The following LAMA2 variants were observed in gnomAD, a reference collection of about 807,000 sequenced individuals.
The protein encoded by LAMA2 is laminin subunit alpha-2.
A neutral mutation model predicts 364.8 loss-of-function variants in LAMA2; 269 were observed. The ratio of observed to expected loss-of-function variants is 0.74; its 90% CI spans 0.67 to 0.82. The LOEUF is 0.82. LAMA2 is among the 40% of genes least tolerant of loss of function. The pLI, the probability that LAMA2 is intolerant of heterozygous loss-of-function variation, is 0.00. For missense variants in LAMA2, 3,807 were observed against 3,873.2 expected (o/e 0.98, Z 0.45); for synonymous variants, 1,379 against 1,370.6 (o/e 1.01, Z -0.14).
intron 1 of LAMA2, among the ~76,000 whole-genome samples, chr6:129,040,148 T>C (rs1786986923): frequency 6.6e-6 from 1 of 152,238 alleles, no homozygotes; most frequent in South Asian, 2.1e-4. Context: ...TTCTGGTTTC[T>C]GTGGAGTCAC....
At chr6:129,316,716 A>G (rs1774637440) in intron 27 of LAMA2, among the ~76,000 whole-genome samples, 1 of 152,246 alleles carries the variant, frequency 6.6e-6, no homozygotes, top group African/African-American at 2.4e-5. Context: ...AACCTACATG[A>G]TGGGAATACT....
At chr6:128,885,773 GT>G (rs1220252691) in intron 1 of LAMA2, among the ~76,000 whole-genome samples, 3 of 152,022 alleles carry the variant, frequency 2.0e-5, no homozygotes, top group African/African-American at 7.2e-5. Flanking sequence ...CAGACTTTTT[GT>G]TTTTTACTTT....
intron 1 of LAMA2, among the ~76,000 whole-genome samples, chr6:128,888,798 C>T (rs560430234): frequency 2.6e-5 from 4 of 152,144 alleles, no homozygotes; most frequent in Non-Finnish European, 2.9e-5. Flanking sequence ...GAGGAGGCAT[C>T]GGTGAGTTTT....
intron 1 of LAMA2, among the ~76,000 whole-genome samples, chr6:128,982,599 AT>A (rs1307272964): frequency 6.6e-6 from 1 of 151,066 alleles, no homozygotes; most frequent in Non-Finnish European, 1.5e-5. Context: ...GTTTTGTTTT[AT>A]TATTATTTTA....
intron 2 of LAMA2, 62 bp downstream of exon 2, chr6:129,050,150 G>T: frequency 6.6e-7 from 1 of 1,518,426 alleles, no homozygotes; most frequent in Non-Finnish European, 9.1e-7. Flanking sequence ...GAGATGTTGA[G>T]GCCAAGTTGC....
In LAMA2 at chr6:129,492,074, C is replaced by G. The variant is rs780669696; in HGVS notation, c.8072C>G (p.Ser2691Cys). 1 of 1,612,854 alleles carries G rather than the reference C, an allele frequency of 6.2e-7. No homozygotes were observed. Among genetic ancestry groups the G allele is most frequent in the Non-Finnish European group, 8.5e-7 (1 of 1,178,916 alleles). Residue 2691 changes from serine (S) to cysteine (C), a missense_variant, in exon 57 of 65, where the codon TCT (serine) becomes TGT (cysteine). Physicochemically the swap from Ser to Cys is moderately radical, Grantham distance 112 (BLOSUM62 -1). This residue lies in a region of LAMA2 where 3,333 missense variants were observed against 3,345.7 expected (regional missense o/e 1.00). Transcript: ENST00000421865. ...TGCATATGGAATCTTGTTATTAACT[C>G]TGTGTAAGTGGATCTCCTCATTACT... is the stretch of plus-strand genomic sequence containing the variant. ...EGCIWNLVIN[S>C]VPMDFARPVS...
chr6:128,959,251 T>C (rs1481303805), intron 1 of LAMA2, among the ~76,000 whole-genome samples: 1 of 152,218 alleles, frequency 6.6e-6, no homozygotes, highest in Non-Finnish European at 1.5e-5. Context: ...TTGATGATTT[T>C]TGTTATTATT....
intron 2 of LAMA2, among the ~76,000 whole-genome samples, chr6:129,053,813 T>C (rs895818674): frequency 1.3e-5 from 2 of 152,134 alleles, no homozygotes; most frequent in Non-Finnish European, 2.9e-5. Context: ...ACTATAGAAA[T>C]ATTCTGTCAA....
At chr6:129,274,972 G>T (rs909313929) in intron 17 of LAMA2, among the ~76,000 whole-genome samples, 3 of 151,888 alleles carry the variant, frequency 2.0e-5, no homozygotes, top group Admixed American at 1.3e-4. Context: ...TATATTATTG[G>T]CACAAGGCTG....
chr6:128,996,487 A>G (rs1481461014), intron 1 of LAMA2, among the ~76,000 whole-genome samples: 1 of 152,226 alleles, frequency 6.6e-6, no homozygotes, highest in Non-Finnish European at 1.5e-5. Context: ...ACACTTCTCA[A>G]AAGAAGACAT....
intron 6 of LAMA2, among the ~76,000 whole-genome samples, chr6:129,148,778 C>A (rs1006040500): frequency 2.6e-5 from 4 of 152,058 alleles, no homozygotes; most frequent in South Asian, 2.1e-4. Flanking sequence ...ATTAAAGAAC[C>A]AGCCTGGACT....
At chr6:129,500,022 T>G (rs1785505327) in intron 58 of LAMA2, among the ~76,000 whole-genome samples, 2 of 152,102 alleles carry the variant, frequency 1.3e-5, no homozygotes, top group South Asian at 4.1e-4. Context: ...TTCCAAATGC[T>G]GGGATTAAAA....
chr6:128,914,563 A>C (rs1778193468), intron 1 of LAMA2, among the ~76,000 whole-genome samples: 1 of 152,212 alleles, frequency 6.6e-6, no homozygotes. Flanking sequence ...TAAAATAGCT[A>C]TGCTCACTTC....
chr6:129,192,655 A>G, intron 11 of LAMA2, 25 bp from the exon 12 acceptor site: 4 of 1,607,332 alleles, frequency 2.5e-6, no homozygotes, highest in Non-Finnish European at 3.4e-6. Context: ...TTAAAAATTA[A>G]TGATGACTGT....
chr6:129,416,886 C>G (rs1780822842), intron 40 of LAMA2, among the ~76,000 whole-genome samples: 1 of 152,202 alleles, frequency 6.6e-6, no homozygotes, highest in Admixed American at 6.5e-5. Context: ...TGGGCAGCTC[C>G]AGGTCCTGGC....
chr6:129,142,484 A>G (rs1253305306), intron 4 of LAMA2, among the ~76,000 whole-genome samples: 3 of 151,964 alleles, frequency 2.0e-5, no homozygotes, highest in Non-Finnish European at 4.4e-5. Flanking sequence ...CCTTGCCCCC[A>G]AATATCATCA....
chr6:129,237,093 A>C (rs1185999310), intron 12 of LAMA2, among the ~76,000 whole-genome samples: 1 of 152,160 alleles, frequency 6.6e-6, no homozygotes, highest in East Asian at 1.9e-4. Context: ...TCATCTTTAA[A>C]ATCAATGTAA....
intron 1 of LAMA2, among the ~76,000 whole-genome samples, chr6:128,997,474 G>T (rs1353619388): frequency 6.6e-6 from 1 of 152,146 alleles, no homozygotes; most frequent in Non-Finnish European, 1.5e-5. Context: ...TGAAATTGAA[G>T]ACACAAACTG....
chr6:128,962,988 A>G (rs893097306), intron 1 of LAMA2, among the ~76,000 whole-genome samples: 1 of 152,168 alleles, frequency 6.6e-6, no homozygotes, highest in South Asian at 2.1e-4. Context: ...AGATAAAGAT[A>G]ATTATTTTTA....
Sources: allele counts gnomAD v4.1 joint callset (sites outside exome capture counted in the v4.1 genomes callset), GRCh38; gene constraint gnomAD v4.1.1; regional missense constraint gnomAD v4.1.1; transcripts MANE v1.5; gene names NCBI Gene and HGNC (gene_info 2026-07-23, HGNC 2026-07-21).